Variants in COMMD1 observed in about 807,000 individuals in gnomAD.
The protein encoded by COMMD1 is copper metabolism domain containing 1.
In COMMD1, 10 loss-of-function variants were observed where a neutral mutation model predicts 17.2. That is an observed-to-expected ratio of 0.58 (90% CI 0.36 to 0.99). The LOEUF (loss-of-function observed/expected upper bound fraction) is 0.99. Ranked by LOEUF, COMMD1 falls within the 50% of genes least tolerant of loss-of-function variation. The pLI, the probability that COMMD1 is intolerant of heterozygous loss-of-function variation, is 0.01. For synonymous variants in COMMD1, 97 were observed against 91.6 expected, an observed-to-expected ratio of 1.06 and a Z score of -0.34; for missense variants, 270 against 231.8, an observed-to-expected ratio of 1.17 and a Z score of -1.07.
intron 2 of COMMD1, among the ~76,000 whole-genome samples, chr2:62,094,188 AG>A (rs1171923116): frequency 6.6e-6 from 1 of 152,162 alleles, no homozygotes; most frequent in Admixed American, 6.5e-5. Flanking sequence ...GCCGGGTAGC[AG>A]GGTCAAGAGT....
chr2:61,945,573 A>G (rs1670883639), intron 1 of COMMD1, among the ~76,000 whole-genome samples: 1 of 152,250 alleles, frequency 6.6e-6, no homozygotes. Context: ...GATAGGTTTC[A>G]GTGAATTTAG....
intron 2 of COMMD1, among the ~76,000 whole-genome samples, chr2:62,108,464 A>C (rs1011042842): frequency 2.6e-5 from 4 of 152,188 alleles, no homozygotes; most frequent in Non-Finnish European, 5.9e-5. Context: ...TAAATTGTAG[A>C]GATGTACAAG....
intron 1 of COMMD1, among the ~76,000 whole-genome samples, chr2:61,950,064 G>A (rs1211660220): frequency 1.3e-5 from 2 of 152,172 alleles, no homozygotes; most frequent in Non-Finnish European, 2.9e-5. Context: ...GACAGTACCC[G>A]AAGAACTAGT....
chr2:62,002,553 C>A (rs1668979992), intron 2 of COMMD1, among the ~76,000 whole-genome samples: 1 of 145,730 alleles, frequency 6.9e-6, no homozygotes, highest in African/African-American at 2.6e-5. Context: ...TTTGGCCAGG[C>A]GCAGTGGCTC....
intron 2 of COMMD1, among the ~76,000 whole-genome samples, chr2:62,072,569 C>T (rs756897672): frequency 1.2e-4 from 19 of 152,292 alleles, no homozygotes; most frequent in East Asian, 1.9e-4. Flanking sequence ...TGGGACGTGC[C>T]GAAGGGTGGG....
intron 2 of COMMD1, among the ~76,000 whole-genome samples, chr2:62,134,442 G>A (rs1673129820): frequency 6.6e-6 from 1 of 151,878 alleles, no homozygotes; most frequent in African/African-American, 2.4e-5. Context: ...TGTTCTGAAG[G>A]ATTTTGAATG....
At chr2:62,104,558 C>T (rs1672272499) in intron 2 of COMMD1, among the ~76,000 whole-genome samples, 1 of 144,602 alleles carries the variant, frequency 6.9e-6, no homozygotes, top group Admixed American at 7.1e-5. Flanking sequence ...CACTTGAAGC[C>T]AGGAGGCAGA....
intron 2 of COMMD1, chr2:62,118,327 T>C (rs1245998162): frequency 6.6e-6 from 1 of 152,208 alleles, no homozygotes; most frequent in Admixed American, 6.5e-5. Context: ...AAACACATTG[T>C]TAATGTGAGG....
intron 2 of COMMD1, among the ~76,000 whole-genome samples, chr2:62,004,376 C>T (rs1669055609): frequency 6.6e-6 from 1 of 152,156 alleles, no homozygotes; most frequent in African/African-American, 2.4e-5. Context: ...TCTCGGCTCA[C>T]TGCAGCCTCC....
Position 62,000,775 on chromosome 2 carries a change from GATCAC to G in COMMD1, c.259_263del (p.Thr87Ter). 1.9e-6 allele frequency: 3 copies of G among 1,614,102 alleles called. No homozygotes were observed. Among genetic ancestry groups the G allele is most frequent in the Non-Finnish European group, 2.5e-6 (3 of 1,180,012 alleles). The stretch of plus-strand genomic sequence containing the variant: ...CTGCTCAAACCAAAAAGCAAGGTGG[GATCAC>G]ATCTGACCAAGCTGCTGTCATTTCC... On this transcript the variant is annotated frameshift_variant, in exon 2 of 3. Coordinates refer to ENST00000311832, the MANE Select transcript of COMMD1 (RefSeq NM_152516.4). LOFTEE classifies it high-confidence loss of function.
Position 62,135,902 on chromosome 2 carries a change from AG to A in COMMD1, c.535del (p.Glu179LysfsTer7). On this transcript the variant is annotated frameshift_variant, in exon 3 of 3. Transcript: ENST00000311832. LOFTEE classifies it high-confidence loss of function. ...AAATTCTGAAGACGCTGTCAGAGGT[AG>A]AAGAAAGTATCAGCACACTGATCAG... ...NQILKTLSEV[E>X]ESISTLISQP... is the part of the protein sequence containing the mutation. The A allele has an allele frequency of 1.2e-6, 2 of 1,603,298 alleles. No individual in the cohort carries two copies. The highest frequency in any genetic ancestry group is 1.7e-6 in the Non-Finnish European group (2 of 1,170,106).
upstream of COMMD1, among the ~76,000 whole-genome samples, chr2:61,902,547 C>T (rs1169112782): frequency 2.0e-5 from 3 of 151,524 alleles, no homozygotes; most frequent in Non-Finnish European, 2.9e-5. Context: ...GTGACAGAAA[C>T]CCCTATAGAA....
intron 2 of COMMD1, among the ~76,000 whole-genome samples, chr2:62,006,175 T>A (rs1442540285): frequency 9.0e-6 from 1 of 110,700 alleles, no homozygotes; most frequent in Non-Finnish European, 1.7e-5. Context: ...AAGGGGAACA[T>A]CATACTCTGG....
chr2:61,890,701 G>A (rs184712963), intron 1 of COMMD1, among the ~76,000 whole-genome samples: 1 of 151,650 alleles, frequency 6.6e-6, no homozygotes, highest in Admixed American at 6.6e-5. Context: ...ATTAACCGGG[G>A]GTGTAATCCC....
intron 2 of COMMD1, among the ~76,000 whole-genome samples, chr2:62,041,438 ACT>A (rs1262288493): frequency 6.6e-6 from 1 of 152,080 alleles, no homozygotes; most frequent in African/African-American, 2.4e-5. Context: ...ATAGGGTCTC[ACT>A]CTGTCACCAC....
intron 1 of COMMD1, among the ~76,000 whole-genome samples, chr2:61,957,383 A>G (rs1671226823): frequency 1.3e-5 from 2 of 152,186 alleles, no homozygotes; most frequent in African/African-American, 4.8e-5. Context: ...ATATAGCTTT[A>G]TAACTGTAAA....
At chr2:61,924,505 G>T (rs1670277508) in intron 1 of COMMD1, among the ~76,000 whole-genome samples, 1 of 152,042 alleles carries the variant, frequency 6.6e-6, no homozygotes, top group Non-Finnish European at 1.5e-5. Flanking sequence ...GATCAAAGGA[G>T]GAGAAGTCGT....
At chr2:62,004,498 T>C (rs1263433233) in intron 2 of COMMD1, among the ~76,000 whole-genome samples, 4 of 152,054 alleles carry the variant, frequency 2.6e-5, no homozygotes, top group Non-Finnish European at 5.9e-5. Context: ...AGATGGGGGT[T>C]TCACCATCTT....
intron 2 of COMMD1, among the ~76,000 whole-genome samples, chr2:62,085,976 TCAAAA>T (rs1184453505): frequency 2.0e-5 from 3 of 151,348 alleles, no homozygotes; most frequent in African/African-American, 4.9e-5. Context: ...AGACTCTGTC[TCAAAA>T]CAAAACAAAA....
Sources: allele counts gnomAD v4.1 joint callset (sites outside exome capture counted in the v4.1 genomes callset), GRCh38; gene constraint gnomAD v4.1.1; transcripts MANE v1.5; gene names NCBI Gene and HGNC (gene_info 2026-07-23, HGNC 2026-07-21).